Variants in TSEN2 observed in about 807,000 individuals in gnomAD.
The protein encoded by TSEN2 is tRNA splicing endonuclease subunit 2.
A neutral mutation model predicts 59.2 loss-of-function variants in TSEN2; 54 were observed. The observed-to-expected ratio is 0.91, with a 90% confidence interval of 0.73 to 1.14. The LOEUF (loss-of-function observed/expected upper bound fraction) is 1.14. Ranked by LOEUF, TSEN2 falls within the 50% of genes most tolerant of loss-of-function variation. The pLI, the probability that TSEN2 is intolerant of heterozygous loss-of-function variation, is 0.00. For missense variants in TSEN2, 636 were observed against 576.2 expected, an observed-to-expected ratio of 1.10 and a Z score of -1.06; for synonymous variants, 195 against 198.2, an observed-to-expected ratio of 0.98 and a Z score of 0.14.
At chr3:12,510,746 A>AT (rs2055361887) in intron 6 of TSEN2, among the ~76,000 whole-genome samples, 3 of 151,966 alleles carry the variant, frequency 2.0e-5, no homozygotes, top group African/African-American at 4.8e-5. Context: ...TTTTGTGGTT[A>AT]TTTTTTTACT....
intron 8 of TSEN2, among the ~76,000 whole-genome samples, chr3:12,522,384 T>G (rs1327734008): frequency 3.9e-5 from 6 of 152,114 alleles, no homozygotes; most frequent in Non-Finnish European, 8.8e-5. Context: ...ATACATTAAT[T>G]GTACAATTAA....
chr3:12,499,476 T>C (rs1176334132), intron 4 of TSEN2, among the ~76,000 whole-genome samples: 2 of 152,228 alleles, frequency 1.3e-5, no homozygotes, highest in Non-Finnish European at 2.9e-5. Context: ...CCATCACCAT[T>C]ATAGCCAACA....
downstream of TSEN2, among the ~76,000 whole-genome samples, chr3:12,537,235 A>G (rs1199982682): frequency 6.6e-6 from 1 of 152,062 alleles, no homozygotes; most frequent in Non-Finnish European, 1.5e-5. Context: ...CGTCTTTACA[A>G]ATAATTTTAA....
At chr3:12,493,163 C>A (rs2053399107) in intron 3 of TSEN2, among the ~76,000 whole-genome samples, 1 of 152,178 alleles carries the variant, frequency 6.6e-6, no homozygotes, top group African/African-American at 2.4e-5. Context: ...GTGCCTTTAG[C>A]TCATCTGCTG....
chr3:12,500,454 T>G (rs2054183676), intron 4 of TSEN2, among the ~76,000 whole-genome samples: 1 of 152,038 alleles, frequency 6.6e-6, no homozygotes, highest in African/African-American at 2.4e-5. Context: ...GGCACAGAGG[T>G]AGAAGTGCTA....
At chr3:12,524,309 C>T (rs1486871029) in intron 8 of TSEN2, among the ~76,000 whole-genome samples, 1 of 152,138 alleles carries the variant, frequency 6.6e-6, no homozygotes, top group Admixed American at 6.6e-5. Context: ...TAAGAAATTA[C>T]CACAAATTGG....
At chr3:12,529,525 A>G (rs779722453) in intron 9 of TSEN2, among the ~76,000 whole-genome samples, 68 of 152,054 alleles carry the variant, frequency 4.5e-4, no homozygotes, top group Non-Finnish European at 7.5e-4. Context: ...GTGAATTTAC[A>G]GCTTTCACAT....
At chr3:12,531,794 G>GTC (rs2057473711) in intron 11 of TSEN2, 135 bp downstream of exon 11, 1 of 689,726 alleles carries the variant, frequency 1.4e-6, no homozygotes, top group Non-Finnish European at 2.6e-6. Context: ...AGGCTCTTAA[G>GTC]TCTCTCACCT....
intron 6 of TSEN2, among the ~76,000 whole-genome samples, chr3:12,510,138 G>A (rs568230371): frequency 9.9e-5 from 15 of 152,272 alleles, no homozygotes; most frequent in African/African-American, 2.9e-4. Context: ...TTGAATTGAG[G>A]TATATCAAAG....
intron 6 of TSEN2, among the ~76,000 whole-genome samples, chr3:12,515,262 G>A (rs1358716492): frequency 6.6e-6 from 1 of 152,158 alleles, no homozygotes; most frequent in East Asian, 1.9e-4. Context: ...GTTAGTGGTG[G>A]GGTGGAAGGA....
downstream of TSEN2, among the ~76,000 whole-genome samples, chr3:12,535,841 G>A (rs142931610): frequency 3.1e-4 from 47 of 152,270 alleles, no homozygotes; most frequent in African/African-American, 1.1e-3. Context: ...TGGTAAAGTA[G>A]AATCAGAAAA....
intron 3 of TSEN2, among the ~76,000 whole-genome samples, chr3:12,493,096 G>A (rs2053391513): frequency 6.6e-6 from 1 of 152,162 alleles, no homozygotes; most frequent in African/African-American, 2.4e-5. Flanking sequence ...CTGCCATAGT[G>A]TCTATCAGAA....
upstream of TSEN2, among the ~76,000 whole-genome samples, chr3:12,483,908 G>A (rs758983800): frequency 1.3e-4 from 20 of 152,166 alleles, no homozygotes; most frequent in Non-Finnish European, 2.4e-4. Context: ...TCAAGCTCAC[G>A]CAGCCAGTGA....
rs370058340 is a variant in TSEN2, at chr3:12,507,412, G to A, written c.909+2181G>A. ...CAGATTTCTTCTCTGTAAAGTGGGG[G>A]CTATGTAACATCTTGTTCATAGGAT... On this transcript the variant is annotated intron_variant, in intron 6 of 11. Coordinates refer to ENST00000284995, the MANE Select transcript of TSEN2 (RefSeq NM_025265.4). 9.2e-5 allele frequency among the ~76,000 whole-genome samples: 14 copies of A among 152,240 alleles called. No individual in the cohort carries two copies. In the East Asian group the frequency reaches 1.9e-3, roughly 21 times the overall value.
intron 6 of TSEN2, among the ~76,000 whole-genome samples, chr3:12,505,849 C>T (rs1401697799): frequency 1.3e-5 from 2 of 151,102 alleles, no homozygotes; most frequent in Non-Finnish European, 2.9e-5. Context: ...GCCTGTAGTC[C>T]AGCCACTTGT....
At chr3:12,499,597 C>T (rs142509739) in intron 4 of TSEN2, among the ~76,000 whole-genome samples, 3 of 152,144 alleles carry the variant, frequency 2.0e-5, no homozygotes, top group Admixed American at 2.0e-4. Flanking sequence ...GTTTCTGTTT[C>T]GTAGATGGGG....
Position 12,496,541 on chromosome 3 carries a change from A to G in TSEN2, c.295A>G (p.Ile99Val), listed in dbSNP as rs766269585. 2.2e-5 allele frequency: 35 copies of G among 1,614,074 alleles called. No homozygotes were observed. The highest frequency in any genetic ancestry group is 1.6e-4 in the Middle Eastern group (1 of 6,084). ...AGATATGAAGACAAACATGCCTATCATCACATCAAAGAGGTAAGTCATAAT... is the reference window on the plus strand; with the variant it reads ...AGATATGAAGACAAACATGCCTATCGTCACATCAAAGAGGTAAGTCATAAT... ...WKDMKTNMPI[I>V]TSKRYQHSVE... Residue 99 changes from isoleucine to valine, a missense_variant, in exon 4 of 12, where the codon ATC becomes GTC. Coordinates refer to ENST00000284995, the MANE Select transcript of TSEN2 (RefSeq NM_025265.4).
At chr3:12,496,347 G>T (rs1299124280) in intron 3 of TSEN2, among the ~76,000 whole-genome samples, 171 bp from the exon 4 acceptor site, 1 of 152,222 alleles carries the variant, frequency 6.6e-6, no homozygotes, top group East Asian at 1.9e-4. Context: ...AAGGGTATGG[G>T]TTCAGGGAAG....
intron 8 of TSEN2, among the ~76,000 whole-genome samples, chr3:12,523,640 A>G (rs2056849385): frequency 6.7e-6 from 1 of 149,218 alleles, no homozygotes; most frequent in Non-Finnish European, 1.5e-5. Context: ...CCCAGGTTCA[A>G]ACCATTCTCC....
Sources: gnomAD v4.1 joint callset for allele counts (sites outside exome capture counted in the v4.1 genomes callset) on GRCh38, gnomAD v4.1.1 for gene constraint, MANE v1.5 for transcripts, NCBI Gene and HGNC (gene_info 2026-07-23, HGNC 2026-07-21) for gene names.